GRID2: variants seen among roughly 807,000 people sequenced by gnomAD.
The protein encoded by GRID2 is glutamate receptor ionotropic, delta-2.
GRID2 carries 33 observed loss-of-function variants against 114.8 expected under a neutral mutation model. The observed-to-expected ratio is 0.29, with a 90% confidence interval of 0.22 to 0.38. GRID2 has a LOEUF of 0.38. Among genes scored for constraint, GRID2 ranks in the 10% least tolerant of loss-of-function variants. The pLI is 1.00. For synonymous variants in GRID2, 505 were observed against 449.9 expected (o/e 1.12, Z -1.55); for missense variants, 1,184 against 1,257.7 (o/e 0.94, Z 0.89).
chr4:93,428,506 C>CT (rs1440811525), intron 10 of GRID2, among the ~76,000 whole-genome samples: 1 of 151,756 alleles, frequency 6.6e-6, no homozygotes. Flanking sequence ...ATACCTAAAA[C>CT]TTTATAGTCA....
intron 4 of GRID2, among the ~76,000 whole-genome samples, chr4:93,162,828 T>C (rs114900827): frequency 9.9e-4 from 151 of 151,918 alleles, no homozygotes; most frequent in African/African-American, 3.5e-3. Flanking sequence ...AGAAAGATAA[T>C]AGAACACCCA....
intron 2 of GRID2, among the ~76,000 whole-genome samples, chr4:92,626,371 T>C (rs918337992): frequency 3.3e-5 from 5 of 151,892 alleles, no homozygotes; most frequent in Admixed American, 2.0e-4. Flanking sequence ...CCATGGGTGG[T>C]TGGGGTTTTC....
intron 3 of GRID2, among the ~76,000 whole-genome samples, chr4:93,094,245 CA>C: frequency 6.6e-6 from 1 of 152,112 alleles, no homozygotes; most frequent in East Asian, 1.9e-4. Flanking sequence ...ACTTGAAAAG[CA>C]AGCTGATTTT....
chr4:93,647,662 G>A (rs1722230509), intron 14 of GRID2, among the ~76,000 whole-genome samples: 1 of 151,290 alleles, frequency 6.6e-6, no homozygotes, highest in African/African-American at 2.4e-5. Context: ...GGTTTACCAC[G>A]GACTGAGCAG....
chr4:92,653,370 C>G (rs988121637), intron 2 of GRID2, among the ~76,000 whole-genome samples: 7 of 150,874 alleles, frequency 4.6e-5, no homozygotes, highest in South Asian at 2.1e-4. Flanking sequence ...TAATTGTTTT[C>G]AGGAGCTAGA....
At chr4:92,445,078 A>T (rs896351176) in intron 1 of GRID2, among the ~76,000 whole-genome samples, 1 of 152,188 alleles carries the variant, frequency 6.6e-6, no homozygotes, top group Admixed American at 6.5e-5. Flanking sequence ...TAGTAAAAAT[A>T]TTTAATATTT....
chr4:92,586,162 T>TAC (rs971671355), intron 1 of GRID2, among the ~76,000 whole-genome samples: 133 of 152,044 alleles, frequency 8.7e-4, no homozygotes, highest in African/African-American at 3.0e-3. Context: ...TGATAAGGAC[T>TAC]ACCTCTGTGG....
At chr4:93,600,234 CA>C (rs539097397) in intron 13 of GRID2, among the ~76,000 whole-genome samples, 163 of 151,286 alleles carry the variant, frequency 1.1e-3, no homozygotes, top group Admixed American at 3.6e-3. Context: ...TTTACAAAAA[CA>C]AAAAAAATTC....
chr4:93,635,151 A>G (rs1416877973), intron 14 of GRID2, among the ~76,000 whole-genome samples: 1 of 151,766 alleles, frequency 6.6e-6, no homozygotes, highest in African/African-American at 2.4e-5. Context: ...CTCTCTCACA[A>G]TACATCAGAC....
intron 13 of GRID2, among the ~76,000 whole-genome samples, chr4:93,537,159 A>G (rs1447271229): frequency 1.3e-5 from 2 of 151,794 alleles, no homozygotes; most frequent in African/African-American, 2.4e-5. Flanking sequence ...AAGTGTTTAT[A>G]TAACTCATCC....
At chr4:92,860,250 T>G (rs1744442463) in intron 2 of GRID2, among the ~76,000 whole-genome samples, 1 of 152,116 alleles carries the variant, frequency 6.6e-6, no homozygotes, top group African/African-American at 2.4e-5. Flanking sequence ...AAATAAACAT[T>G]GTGTCCACCT....
chr4:93,636,410 C>T (rs370510799), intron 14 of GRID2, among the ~76,000 whole-genome samples: 1 of 151,904 alleles, frequency 6.6e-6, no homozygotes, highest in African/African-American at 2.4e-5. Context: ...ATTTACACTG[C>T]ACTTGAAAAT....
At chr4:93,041,972 G>A (rs537161828) in intron 2 of GRID2, among the ~76,000 whole-genome samples, 2 of 151,918 alleles carry the variant, frequency 1.3e-5, no homozygotes, top group African/African-American at 2.4e-5. Flanking sequence ...GCGTGGTCTC[G>A]ACTCACTGCA....
rs1042962550 is a variant in GRID2 at position 92,936,052 on chromosome 4, A to G, written c.245-148943A>G. 1.8e-4 allele frequency among the ~76,000 whole-genome samples: 27 copies of G among 146,370 alleles called. 4 individuals are homozygous for G. The Middle Eastern group carries it at 0.018, about 97-fold the overall frequency. ...AAGTATAATAATAATAAAATAAAAA[A>G]AAGAAATTTAAATGCTGTCTACTTG... On this transcript the variant is annotated intron_variant, in intron 2 of 15. Transcript: ENST00000282020.
rs1283040338 is a variant in GRID2, at chr4:92,477,088, TGTG to T, written c.89-113042_89-113040del. ...GTGTGTGTGTGTGTGTGTGTGTGTG[TGTG>T]TGTGTGTTTGCTTAGTATTGTTAGA... On this transcript the variant is annotated intron_variant, in intron 1 of 15. Transcript: ENST00000282020. Among the ~76,000 whole-genome samples the T allele has an allele frequency of 2.5e-4, 33 of 134,448 alleles. No individual in the cohort carries two copies. The East Asian group carries it at 6.6e-3, about 27-fold the overall frequency. 88.2% of individuals were successfully genotyped at this position (134,448 alleles called of 152,430 possible). A position where few individuals can be genotyped will look rare whatever the true frequency, so the allele number is the denominator to read the frequency against.
At chr4:92,383,753 A>G (rs1387179627) in intron 1 of GRID2, among the ~76,000 whole-genome samples, 2 of 151,920 alleles carry the variant, frequency 1.3e-5, no homozygotes, top group African/African-American at 4.8e-5. Flanking sequence ...TTCAAGCTTC[A>G]CTATAAAGTG....
chr4:92,615,547 G>T (rs904055117), intron 2 of GRID2, among the ~76,000 whole-genome samples: 5 of 151,588 alleles, frequency 3.3e-5, no homozygotes, highest in Admixed American at 6.6e-5. Flanking sequence ...CATAAGATTA[G>T]ATCTTTTTTC....
At chr4:92,768,394 T>A (rs2149350144) in intron 2 of GRID2, among the ~76,000 whole-genome samples, 1 of 152,320 alleles carries the variant, frequency 6.6e-6, no homozygotes, top group East Asian at 1.9e-4. Context: ...CACATGGTTG[T>A]TCTTAAACAG....
Position 93,422,880 on chromosome 4 carries a change from A to G in GRID2, c.1457A>G (p.Tyr486Cys), listed in dbSNP as rs758157372. 1 of 1,613,740 alleles carries G rather than the reference A, an allele frequency of 6.2e-7. No homozygotes were observed. Among genetic ancestry groups the G allele is most frequent in the Non-Finnish European group, 8.5e-7 (1 of 1,179,676 alleles). Residue 486 changes from tyrosine (Y) to cysteine (C), a missense_variant, in exon 10 of 16, where the codon TAC becomes TGC. By Grantham distance (194) the Tyr-to-Cys change is radical. Around this residue, in one of 3 missense-constraint regions of GRID2, gnomAD observed 717 missense variants for 796.9 expected, o/e 0.90. Coordinates refer to ENST00000282020, the MANE Select transcript of GRID2 (RefSeq NM_001510.4). The part of the protein sequence containing the change: ...DALSNYLGFN[Y>C]EIYVAPDHKY... ...TTATCTAACTACCTGGGTTTTAACT[A>G]CGAAATTTACGTAGCACCGGATCAC...
Sources: allele counts gnomAD v4.1 joint callset (sites outside exome capture counted in the v4.1 genomes callset), GRCh38; gene constraint gnomAD v4.1.1; regional missense constraint gnomAD v4.1.1; transcripts MANE v1.5; gene names NCBI Gene and HGNC (gene_info 2026-07-23, HGNC 2026-07-21).